The following RECQL variants were observed in gnomAD, a reference collection of about 807,000 sequenced individuals.
The protein encoded by RECQL is RecQ like helicase, also known as ATP-dependent DNA helicase Q1.
RECQL carries 73 observed loss-of-function variants against 75.8 expected under a neutral mutation model. The observed-to-expected ratio is 0.96, with a 90% CI of 0.80 to 1.17. RECQL has a LOEUF of 1.17. Ranked by LOEUF, RECQL falls within the 50% of genes most tolerant of loss-of-function variation. The pLI, the probability that RECQL is intolerant of heterozygous loss-of-function variation, is 0.00. For synonymous variants in RECQL, 248 were observed against 254.4 expected, an observed-to-expected ratio of 0.97 and a Z score of 0.24; for missense variants, 699 against 772.1, an observed-to-expected ratio of 0.91 and a Z score of 1.12.
Position 21,491,513 on chromosome 12 carries a change from GT to G in RECQL, c.214+5del. 1 of 1,378,416 alleles carries G rather than the reference GT, an allele frequency of 7.3e-7. No individual in the cohort carries two copies. The highest frequency in any genetic ancestry group is 2.2e-4 in the Middle Eastern group (1 of 4,538). 85.4% of individuals were successfully genotyped at this position (1,378,416 alleles called of 1,614,324 possible). The stretch of plus-strand genomic sequence containing the variant: ...AACTAGCAAAAAAAAAAAAAAAAAA[GT>G]TAACCTTCTTTATTCCAAGCGGCAG... On this transcript the variant is annotated splice_donor_5th_base_variant and intron_variant, in intron 3 of 14. Transcript: ENST00000444129.
intron 2 of RECQL, among the ~76,000 whole-genome samples, chr12:21,493,946 C>T (rs144073089): frequency 1.3e-5 from 2 of 152,154 alleles, no homozygotes; most frequent in Non-Finnish European, 2.9e-5. Context: ...ATCCATTTTG[C>T]ATTGATATAA....
At chr12:21,496,614 A>G (rs776391867) in intron 2 of RECQL, among the ~76,000 whole-genome samples, 8 of 152,214 alleles carry the variant, frequency 5.3e-5, no homozygotes, top group Non-Finnish European at 1.0e-4. Flanking sequence ...TAAGAGAGAC[A>G]CTTGCCAGAG....
intron 2 of RECQL, among the ~76,000 whole-genome samples, chr12:21,493,789 C>T (rs1390578674): frequency 6.6e-6 from 1 of 152,092 alleles, no homozygotes; most frequent in Non-Finnish European, 1.5e-5. Flanking sequence ...GACTGCTAAG[C>T]CTCCTAAGAA....
chr12:21,489,992 T>G (rs1294192206), intron 4 of RECQL, among the ~76,000 whole-genome samples: 1 of 152,066 alleles, frequency 6.6e-6, no homozygotes, highest in East Asian at 1.9e-4. Flanking sequence ...GTAACAAACC[T>G]GCACATATAC....
intron 5 of RECQL, among the ~76,000 whole-genome samples, chr12:21,485,183 A>G (rs1943266525): frequency 6.7e-6 from 1 of 149,094 alleles, no homozygotes; most frequent in South Asian, 2.1e-4. Flanking sequence ...GTACCACTTG[A>G]GTGATACCAC....
chr12:21,475,003 T>C lies in RECQL; in HGVS notation c.1217-24A>G, dbSNP rs148743985. ...ACCTGTGGTGTGAGAAACCTTGAGA[T>C]TGCAGAATTACATTTACAAATTCAA... On this transcript the variant is annotated intron_variant, in intron 10 of 14. Transcript: ENST00000444129. 66 of 1,603,066 alleles carry C rather than the reference T, an allele frequency of 4.1e-5. No individual in the cohort carries two copies. The African/African-American group carries it at 6.7e-4, about 16-fold the overall frequency.
At chr12:21,482,266 A>AG (rs1229200152) in intron 6 of RECQL, among the ~76,000 whole-genome samples, 7 of 59,332 alleles carry the variant, frequency 1.2e-4, no homozygotes, top group Non-Finnish European at 2.6e-4. Flanking sequence ...CCTTAACAAA[A>AG]GAAAAAAAAA....
intron 5 of RECQL, among the ~76,000 whole-genome samples, chr12:21,484,355 C>A (rs1001492108): frequency 1.3e-5 from 2 of 152,080 alleles, no homozygotes; most frequent in Non-Finnish European, 2.9e-5. Context: ...CTCCAACTTT[C>A]AAGAGTAGGG....
At position 21,475,785 on chromosome 12, in the gene RECQL, A is replaced by G. The variant is rs1943075304; in HGVS notation, c.989T>C (p.Val330Ala). The change falls in exon 9 of 15, where the codon GTT becomes GCT. Residue 330 changes from valine to alanine, a missense_variant. By Grantham distance (64) the Val-to-Ala change is moderately conservative. This residue lies in a region of RECQL where 669 missense variants were observed against 713.5 expected (regional missense o/e 0.94). Coordinates refer to ENST00000444129, the MANE Select transcript of RECQL (RefSeq NM_002907.4). ...TCCCAGATTCTGCAAACTAACCGTA[A>G]CTTGTTCAGAGTCTTTCTGAGAAAA... ...YCFSQKDSEQ[V>A]TVSLQNLGIH... 1 of 1,613,038 alleles carries G rather than the reference A, an allele frequency of 6.2e-7. No individual in the cohort carries two copies. Among genetic ancestry groups the G allele is most frequent in the African/African-American group, 1.3e-5 (1 of 74,876 alleles).
rs1565571187 is a variant in RECQL, at chr12:21,486,656, C to CCTTTTTTTTTTTTTTTTTTTTTTTTT, written c.395-72_395-71insAAAAAAAAAAAAAAAAAAAAAAAAAG. The stretch of plus-strand genomic sequence containing the variant: ...CTCAGAATCAGATGCAAACCATTCA[C>CCTTTTTTTTTTTTTTTTTTTTTTTTT]GTTTTTTTTTTTTTTTTTTTTTTTT... On this transcript the variant is annotated intron_variant, in intron 4 of 14. Transcript: ENST00000444129. 1.1e-4 allele frequency: 16 copies of CCTTTTTTTTTTTTTTTTTTTTTTTTT among 141,734 alleles called. 8 individuals carry two copies. Among genetic ancestry groups the CCTTTTTTTTTTTTTTTTTTTTTTTTT allele is most frequent in the African/African-American group, 2.7e-4 (4 of 14,764 alleles). 8.8% of individuals were successfully genotyped at this position (141,734 alleles called of 1,614,324 possible).
At position 21,470,880 on chromosome 12, in the gene RECQL, T is replaced by G. The variant is rs1281107072; in HGVS notation, c.1797+89A>C. 5 of 930,156 alleles carry G rather than the reference T, an allele frequency of 5.4e-6. No homozygotes were observed. The East Asian group carries it at 1.7e-4, about 31-fold the overall frequency. 57.6% of individuals were successfully genotyped at this position (930,156 alleles called of 1,614,324 possible). ...AAAACTGACTTTTCTCATGTTCAAC[T>G]GGACCTAGGGGAATATGACAGAAAA... On this transcript the variant is annotated intron_variant, in intron 14 of 14. Coordinates refer to ENST00000444129, the MANE Select transcript of RECQL (RefSeq NM_002907.4).
chr12:21,471,261 AC>A (rs1297207449), intron 13 of RECQL, 163 bp from the exon 14 acceptor site: 3 of 986,942 alleles, frequency 3.0e-6, no homozygotes, highest in Non-Finnish European at 4.3e-6. Context: ...TATTTTCGTT[AC>A]TTTTTTTTAT....
chr12:21,474,000 T>TG (rs1943034132), intron 11 of RECQL, among the ~76,000 whole-genome samples: 1 of 152,112 alleles, frequency 6.6e-6, no homozygotes, highest in African/African-American at 2.4e-5. Context: ...TGAACATCTT[T>TG]GGGGGGCCAT....
intron 1 of RECQL, among the ~76,000 whole-genome samples, 156 bp downstream of exon 1, chr12:21,501,014 T>G (rs141739288): frequency 7.9e-4 from 120 of 152,242 alleles, no homozygotes; most frequent in African/African-American, 2.7e-3. Flanking sequence ...CAGCCAGTCA[T>G]CAATGTTGGA....
At chr12:21,483,332 A>G (rs770961954) in intron 6 of RECQL, 44 bp downstream of exon 6, 16 of 1,289,676 alleles carry the variant, frequency 1.2e-5, no homozygotes, top group Non-Finnish European at 1.8e-5. Flanking sequence ...GAGTAAGGAC[A>G]CGGTCTATGA....
chr12:21,477,904 T>C lies in RECQL; in HGVS notation c.766A>G (p.Thr256Ala), dbSNP rs918537491. 5 of 1,613,868 alleles carry C rather than the reference T, an allele frequency of 3.1e-6. No individual in the cohort carries two copies. The African/African-American group carries it at 5.3e-5, about 17-fold the overall frequency. Residue 256 changes from threonine to alanine, a missense_variant, in exon 7 of 15, where the codon ACT becomes GCT. Physicochemically the swap from Thr to Ala is moderately conservative, Grantham distance 58. Transcript: ENST00000444129. Reference protein sequence around the residue: ...PNASLIGLTATATNHVLTDAQ... With the variant: ...PNASLIGLTAAATNHVLTDAQ... ...TCCGTCAAAACGTGATTTGTTGCAGTTGCAGTCAGCCCAATTAGTGATGCG... is the reference window on the plus strand; with the variant it reads ...TCCGTCAAAACGTGATTTGTTGCAGCTGCAGTCAGCCCAATTAGTGATGCG...
At chr12:21,471,294 T>C (rs1252407486) in intron 13 of RECQL, 134 bp downstream of exon 13, 1 of 965,660 alleles carries the variant, frequency 1.0e-6, no homozygotes, top group Non-Finnish European at 1.5e-6. Flanking sequence ...AAAGTTTGAG[T>C]GTTTTAGGTA....
chr12:21,490,367 A>C lies in RECQL; in HGVS notation c.226T>G (p.Ser76Ala). The change falls in exon 4 of 15, where the codon TCT (serine) becomes GCT (alanine). Residue 76 changes from serine to alanine, a missense_variant. Around this residue, in one of 2 missense-constraint regions of RECQL, gnomAD observed 669 missense variants for 713.5 expected, o/e 0.94. Coordinates refer to ENST00000444129, the MANE Select transcript of RECQL (RefSeq NM_002907.4). ...AAWNKEDFPW[S>A]GKVKDILQNV... ...TGCAGAATATCTTTAACTTTACCAG[A>C]CCATGGAAAATCTAGGAAAAGAAAG... 6.2e-7 allele frequency: 1 copy of C among 1,607,386 alleles called. No individual in the cohort carries two copies. Among genetic ancestry groups the C allele is most frequent in the Non-Finnish European group, 8.5e-7 (1 of 1,175,422 alleles).
In RECQL at chr12:21,490,201, T is replaced by G. The variant is rs1424595397; in HGVS notation, c.392A>C (p.Asp131Ala). The change falls in exon 4 of 15, where the codon GAT becomes GCT. Residue 131 changes from aspartate (D) to alanine (A), a missense_variant and splice_region_variant. Asp to Ala is a moderately radical substitution (Grantham distance 126). This residue lies in a region of RECQL where 669 missense variants were observed against 713.5 expected (regional missense o/e 0.94). Transcript: ENST00000444129. ...AAATTAATTTTTTTAGTACATACCATCTGAACATAATGCTGGTAACTGGTA... is the reference window on the plus strand; with the variant it reads ...AAATTAATTTTTTTAGTACATACCAGCTGAACATAATGCTGGTAACTGGTA... ...LCYQLPALCS[D>A]GFTLVICPLI... 1 of 1,599,506 alleles carries G rather than the reference T, an allele frequency of 6.3e-7. No homozygotes were observed. Among genetic ancestry groups the G allele is most frequent in the African/African-American group, 1.3e-5 (1 of 74,542 alleles).
Sources: gnomAD v4.1 joint callset for allele counts (sites outside exome capture counted in the v4.1 genomes callset) on GRCh38, gnomAD v4.1.1 for gene constraint, gnomAD v4.1.1 regional missense constraint, MANE v1.5 for transcripts, NCBI Gene and HGNC (gene_info 2026-07-23, HGNC 2026-07-21) for gene names.